ADCY2: variants seen among roughly 807,000 people sequenced by gnomAD.
The protein encoded by ADCY2 is adenylate cyclase type 2.
A neutral mutation model predicts 125.2 loss-of-function variants in ADCY2; 31 were observed. The observed-to-expected ratio is 0.25, with a 90% CI of 0.19 to 0.33. The LOEUF (loss-of-function observed/expected upper bound fraction) is 0.33, where lower values mean the gene tolerates loss of function less well. Ranked by LOEUF, ADCY2 falls within the 10% of genes least tolerant of loss-of-function variation. ADCY2 has a pLI of 1.00. For synonymous variants in ADCY2, 512 were observed against 548.4 expected, an observed-to-expected ratio of 0.93 and a Z score of 0.93; for missense variants, 904 against 1,418.2, an observed-to-expected ratio of 0.64 and a Z score of 5.82.
intron 2 of ADCY2, among the ~76,000 whole-genome samples, chr5:7,473,730 G>A (rs1054114753): frequency 6.6e-6 from 1 of 152,136 alleles, no homozygotes; most frequent in Non-Finnish European, 1.5e-5. Context: ...GCAGTGGTAG[G>A]CATTCTCTTC....
At chr5:7,450,103 G>A (rs1365668937) in intron 2 of ADCY2, among the ~76,000 whole-genome samples, 1 of 152,134 alleles carries the variant, frequency 6.6e-6, no homozygotes, top group Non-Finnish European at 1.5e-5. Context: ...TAGCCTCTAA[G>A]TGTTCAATGC....
At chr5:7,447,888 G>A (rs891724002) in intron 2 of ADCY2, among the ~76,000 whole-genome samples, 2 of 152,202 alleles carry the variant, frequency 1.3e-5, no homozygotes, top group Non-Finnish European at 2.9e-5. Context: ...GGCTTACAAG[G>A]AGCAGGACCT....
intron 4 of ADCY2, among the ~76,000 whole-genome samples, chr5:7,644,161 CT>C (rs1184958322): frequency 6.6e-6 from 1 of 152,012 alleles, no homozygotes; most frequent in African/African-American, 2.4e-5. Flanking sequence ...AGTTACTTTT[CT>C]TTTTTGTCTT....
chr5:7,741,849 C>G (rs989007675), intron 14 of ADCY2, among the ~76,000 whole-genome samples: 25 of 151,956 alleles, frequency 1.6e-4, no homozygotes, highest in Non-Finnish European at 3.1e-4. Flanking sequence ...TCATCGTCAT[C>G]ACCATCACCA....
intron 3 of ADCY2, among the ~76,000 whole-genome samples, chr5:7,607,536 G>T (rs1160370474): frequency 6.6e-6 from 1 of 152,154 alleles, no homozygotes; most frequent in Non-Finnish European, 1.5e-5. Context: ...CACCCCTGAG[G>T]ACCCATGAGC....
At chr5:7,783,221 C>T (rs1020905508) in intron 18 of ADCY2, among the ~76,000 whole-genome samples, 15 of 152,150 alleles carry the variant, frequency 9.9e-5, no homozygotes, top group African/African-American at 3.4e-4. Context: ...AGCCTCACCC[C>T]ACTCCCCTTC....
intron 2 of ADCY2, among the ~76,000 whole-genome samples, chr5:7,487,377 G>A (rs776651220): frequency 3.9e-5 from 6 of 152,260 alleles, no homozygotes; most frequent in East Asian, 3.9e-4. Flanking sequence ...TCCCAATGCC[G>A]TTTGTTATCA....
At chr5:7,819,092 G>C (rs1301417085) in intron 23 of ADCY2, among the ~76,000 whole-genome samples, 1 of 152,106 alleles carries the variant, frequency 6.6e-6, no homozygotes, top group Non-Finnish European at 1.5e-5. Context: ...ATGTAGGCTG[G>C]GAGGTGAAGC....
At chr5:7,579,623 A>G (rs1380067640) in intron 3 of ADCY2, among the ~76,000 whole-genome samples, 1 of 152,210 alleles carries the variant, frequency 6.6e-6, no homozygotes, top group East Asian at 1.9e-4. Flanking sequence ...CTAAAATGAA[A>G]CAAAACAATC....
intron 14 of ADCY2, among the ~76,000 whole-genome samples, chr5:7,740,626 A>G (rs1353772068): frequency 1.3e-5 from 2 of 152,160 alleles, no homozygotes; most frequent in East Asian, 1.9e-4. Context: ...ACAATCTCTG[A>G]TAAAATCAAA....
intron 3 of ADCY2, among the ~76,000 whole-genome samples, chr5:7,544,652 G>A (rs1735095338): frequency 6.6e-6 from 1 of 152,140 alleles, no homozygotes; most frequent in Admixed American, 6.5e-5. Flanking sequence ...GAACAACATT[G>A]GAGGGGCCAT....
At chr5:7,821,910 G>A (rs1745314044) in intron 24 of ADCY2, among the ~76,000 whole-genome samples, 1 of 152,206 alleles carries the variant, frequency 6.6e-6, no homozygotes, top group Non-Finnish European at 1.5e-5. Flanking sequence ...GGGGACCAGT[G>A]AAAATAAAGG....
Position 7,803,934 on chromosome 5 carries a change from G to T in ADCY2, c.2776-651G>T, listed in dbSNP as rs567670059. 4.1e-5 allele frequency among the ~76,000 whole-genome samples: 6 copies of T among 147,764 alleles called. No homozygotes were observed. The South Asian group carries it at 1.3e-3, about 31-fold the overall frequency. ...TATATATATTTTTATATATATGTGTGTGTGTATATATATACACACACACAC... is the reference window on the plus strand; with the variant it reads ...TATATATATTTTTATATATATGTGTTTGTGTATATATATACACACACACAC... On this transcript the variant is annotated intron_variant, in intron 21 of 24. Coordinates refer to ENST00000338316, the MANE Select transcript of ADCY2 (RefSeq NM_020546.3).
At chr5:7,688,057 AG>A (rs1561167626) in intron 4 of ADCY2, among the ~76,000 whole-genome samples, 3 of 151,664 alleles carry the variant, frequency 2.0e-5, no homozygotes, top group African/African-American at 7.3e-5. Context: ...ATTTCCAAAT[AG>A]ATAGCCTAGA....
At chr5:7,818,837 C>A (rs1745204610) in intron 23 of ADCY2, among the ~76,000 whole-genome samples, 1 of 151,900 alleles carries the variant, frequency 6.6e-6, no homozygotes, top group African/African-American at 2.4e-5. Flanking sequence ...GCTACTATAC[C>A]TCTTTAAAAT....
intron 2 of ADCY2, among the ~76,000 whole-genome samples, chr5:7,500,469 A>T (rs773755189): frequency 6.6e-6 from 1 of 152,200 alleles, no homozygotes; most frequent in African/African-American, 2.4e-5. Flanking sequence ...ACCAAGGTCA[A>T]CACCAACAGC....
chr5:7,631,191 C>T (rs550315932), intron 4 of ADCY2, among the ~76,000 whole-genome samples: 4 of 152,236 alleles, frequency 2.6e-5, no homozygotes, highest in South Asian at 2.1e-4. Flanking sequence ...CTGGACTAAC[C>T]GGGCTAATCC....
At chr5:7,717,405 A>G (rs1255218232) in intron 12 of ADCY2, among the ~76,000 whole-genome samples, 168 bp downstream of exon 12, 1 of 152,176 alleles carries the variant, frequency 6.6e-6, no homozygotes, top group African/African-American at 2.4e-5. Context: ...TATTTATTTC[A>G]TCTTTTTAAA....
At chr5:7,533,640 A>G (rs866802301) in intron 3 of ADCY2, among the ~76,000 whole-genome samples, 16 of 152,032 alleles carry the variant, frequency 1.1e-4, no homozygotes, top group African/African-American at 3.9e-4. Flanking sequence ...GTGTCTGATG[A>G]GCTCATTATC....
Sources: allele counts gnomAD v4.1 joint callset (sites outside exome capture counted in the v4.1 genomes callset), GRCh38; gene constraint gnomAD v4.1.1; transcripts MANE v1.5; gene names NCBI Gene and HGNC (gene_info 2026-07-23, HGNC 2026-07-21).